MTCL2: variants seen among roughly 807,000 people sequenced by gnomAD.
MTCL2 encodes the protein microtubule cross-linking factor 2.
At chr20:36,862,534 A>C in the MTCL2 span, 1 of 933,322 alleles carries the variant, frequency 1.1e-6, no homozygotes, top group Non-Finnish European at 1.4e-6. Flanking sequence ...AGTGGTCCCC[A>C]GAGGGCTTGG....
At chr20:36,817,962 C>T in the MTCL2 span, among the ~76,000 whole-genome samples, 1 of 152,244 alleles carries the variant, frequency 6.6e-6, no homozygotes. Flanking sequence ...CTCCCAGCGA[C>T]AGCCATTGGT....
At chr20:36,862,589 G>C in the MTCL2 span, 1 of 1,369,156 alleles carries the variant, frequency 7.3e-7, no homozygotes, top group African/African-American at 1.5e-5. Flanking sequence ...GCCGGCTGGT[G>C]CCTCAGGCCC....
At chr20:36,850,992 A>T in the MTCL2 span, among the ~76,000 whole-genome samples, 2 of 151,918 alleles carry the variant, frequency 1.3e-5, no homozygotes, top group Admixed American at 1.3e-4. Flanking sequence ...TGTTTTTGAC[A>T]CTCTGGAAAC....
chr20:36,850,532 A>T, the MTCL2 span, among the ~76,000 whole-genome samples: 1 of 151,884 alleles, frequency 6.6e-6, no homozygotes, highest in South Asian at 2.1e-4. Flanking sequence ...TTTGACCAAA[A>T]AAAAAAGAAA....
At chr20:36,856,855 TGTGC>T in the MTCL2 span, among the ~76,000 whole-genome samples, 1 of 152,094 alleles carries the variant, frequency 6.6e-6, no homozygotes, top group Non-Finnish European at 1.5e-5. Context: ...TGTGTGTGTG[TGTGC>T]GTGCGCGCAC....
At chr20:36,852,519 A>C in the MTCL2 span, among the ~76,000 whole-genome samples, 5 of 152,254 alleles carry the variant, frequency 3.3e-5, no homozygotes, top group African/African-American at 9.6e-5. Context: ...GCAGAGCTCC[A>C]CTTCTCAGCC....
At chr20:36,813,696 TGAGCTGA>T in the MTCL2 span, among the ~76,000 whole-genome samples, 1 of 127,268 alleles carries the variant, frequency 7.9e-6, no homozygotes, top group Admixed American at 1.1e-4. Flanking sequence ...GAGGTTGCAG[TGAGCTGA>T]GATCGTGCCA....
At chr20:36,829,150 C>T in the MTCL2 span, 13 of 1,605,422 alleles carry the variant, frequency 8.1e-6, no homozygotes, top group Admixed American at 1.2e-4. Context: ...CCTCCAGCCG[C>T]GCCCGTTTCT....
chr20:36,853,279 C>T, the MTCL2 span, among the ~76,000 whole-genome samples: 3 of 152,156 alleles, frequency 2.0e-5, no homozygotes, highest in African/African-American at 4.8e-5. Flanking sequence ...CCCTGATCCC[C>T]GCCAGGGAGT....
chr20:36,858,311 A>AACACAC, the MTCL2 span, among the ~76,000 whole-genome samples: 370 of 31,830 alleles, frequency 0.012, 32 homozygotes, highest in Non-Finnish European at 0.015. Context: ...AAGGAGGGAA[A>AACACAC]ACACACACAC....
the MTCL2 span, chr20:36,805,757 C>T: frequency 9.0e-7 from 1 of 1,114,164 alleles, no homozygotes; most frequent in Non-Finnish European, 1.3e-6. Context: ...ACTTCAATGT[C>T]CAGGAATGGG....
the MTCL2 span, among the ~76,000 whole-genome samples, chr20:36,849,417 A>G: frequency 5.3e-5 from 8 of 151,814 alleles, no homozygotes; most frequent in African/African-American, 1.9e-4. Flanking sequence ...GCAGAGCTCC[A>G]CTTTCAAATC....
At chr20:36,816,962 GA>G in the MTCL2 span, among the ~76,000 whole-genome samples, 1 of 152,096 alleles carries the variant, frequency 6.6e-6, no homozygotes, top group African/African-American at 2.4e-5. Flanking sequence ...AGTGGGCAGT[GA>G]AACTAAGAAA....
chr20:36,813,774 AAAGAT>A, the MTCL2 span, among the ~76,000 whole-genome samples: 1 of 150,014 alleles, frequency 6.7e-6, no homozygotes, highest in Admixed American at 6.7e-5. Context: ...AAAAAAAAAA[AAAGAT>A]AAAAGAAAAA....
At chr20:36,811,651 G>A in the MTCL2 span, among the ~76,000 whole-genome samples, 1 of 150,650 alleles carries the variant, frequency 6.6e-6, no homozygotes, top group Non-Finnish European at 1.5e-5. Context: ...ACAAAAAAAA[G>A]AATAGGCCTA....
At chr20:36,844,605 G>T in the MTCL2 span, among the ~76,000 whole-genome samples, 48 of 151,164 alleles carry the variant, frequency 3.2e-4, no homozygotes, top group Admixed American at 7.2e-4. Flanking sequence ...TGGGAGGATT[G>T]TTTGAGCCCA....
the MTCL2 span, among the ~76,000 whole-genome samples, chr20:36,856,023 G>T: frequency 6.6e-6 from 1 of 152,172 alleles, no homozygotes; most frequent in East Asian, 1.9e-4. Flanking sequence ...CTCCCAGCAA[G>T]GTGCTCCCTT....
the MTCL2 span, chr20:36,812,947 CT>C: frequency 1.5e-6 from 2 of 1,367,834 alleles, no homozygotes; most frequent in Non-Finnish European, 2.0e-6. Context: ...CCCTAAGAGG[CT>C]TGAACCACCC....
the MTCL2 span, chr20:36,839,144 G>T: frequency 6.9e-7 from 1 of 1,447,312 alleles, no homozygotes; most frequent in Non-Finnish European, 9.4e-7. This position sits in a 1 kb window ranked among gnomAD's most constrained non-coding sequence, Gnocchi z 5.1. Context: ...GAAATGAGAT[G>T]CAAGGCCAAC....
Sources: allele counts gnomAD v4.1 joint callset (sites outside exome capture counted in the v4.1 genomes callset), GRCh38; gene constraint gnomAD v4.1.1; non-coding constraint Gnocchi (gnomAD v3.1); transcripts MANE v1.5; gene names NCBI Gene and HGNC (gene_info 2026-07-23, HGNC 2026-07-21).